SLC2A9: variants seen among roughly 807,000 people sequenced by gnomAD.
The protein encoded by SLC2A9 is solute carrier family 2 member 9.
Under a neutral mutation model 50.6 loss-of-function variants are expected in SLC2A9, and 39 were observed. The ratio of observed to expected loss-of-function variants is 0.77; its 90% confidence interval spans 0.60 to 1.01. The LOEUF is 1.01. Ranked by LOEUF, SLC2A9 falls within the 50% of genes least tolerant of loss-of-function variation. SLC2A9 has a pLI of 0.00. For synonymous variants in SLC2A9, 324 were observed against 276.9 expected (o/e 1.17, Z -1.69); for missense variants, 686 against 677.6 (o/e 1.01, Z -0.14).
chr4:9,888,190 C>G (rs1736661814), intron 9 of SLC2A9, among the ~76,000 whole-genome samples: 1 of 151,170 alleles, frequency 6.6e-6, no homozygotes, highest in Non-Finnish European at 1.5e-5. Context: ...ATGGGTGCAG[C>G]CAACCACCAT....
In SLC2A9 at chr4:10,018,993, C is replaced by A. The variant is rs1376228477; in HGVS notation, c.231G>T (p.Val77=). ...SSFLYGYNLS[V]VNAPTPYIKA... is the part of the protein sequence containing the mutation. ...CACTCACCGGGGTGGGGGCATTCAC[C>A]ACCGACAGGTTGTAGCCGTAGAGGA... The change falls in exon 2 of 12, where the codon GTG becomes GTT. Residue 77 remains valine (V), a synonymous_variant. Transcript: ENST00000264784. 1 of 1,550,200 alleles carries A rather than the reference C, an allele frequency of 6.5e-7. No homozygotes were observed. Among genetic ancestry groups the A allele is most frequent in the East Asian group, 2.4e-5 (1 of 40,914 alleles).
intron 8 of SLC2A9, among the ~76,000 whole-genome samples, chr4:9,899,520 T>G (rs1739210484): frequency 6.6e-6 from 1 of 152,230 alleles, no homozygotes; most frequent in Non-Finnish European, 1.5e-5. Flanking sequence ...TAGTGAAATT[T>G]TAAAATTTAT....
intron 2 of SLC2A9, among the ~76,000 whole-genome samples, chr4:10,003,571 C>G (rs1760237039): frequency 6.6e-6 from 1 of 152,160 alleles, no homozygotes; most frequent in South Asian, 2.1e-4. Flanking sequence ...GCTGTTTGCC[C>G]CAATGCTTTT....
At chr4:9,786,294 G>C (rs1246887419) in intron 3 of SLC2A9, among the ~76,000 whole-genome samples, 1 of 152,198 alleles carries the variant, frequency 6.6e-6, no homozygotes, top group Admixed American at 6.5e-5. Flanking sequence ...TAACCAGCCT[G>C]TGGTCACAGA....
rs535258720 is a variant in SLC2A9, at chr4:10,009,670, T to C, written c.249+9305A>G. ...CACTGGAAAAGTGAGTAATTTCTTATCAAAGCCAAGCCATTCAGTATTATT... is the reference window on the plus strand; with the variant it reads ...CACTGGAAAAGTGAGTAATTTCTTACCAAAGCCAAGCCATTCAGTATTATT... On this transcript the variant is annotated intron_variant, in intron 2 of 11. Coordinates refer to ENST00000264784, the MANE Select transcript of SLC2A9 (RefSeq NM_020041.3). 13 of 152,326 alleles carry C rather than the reference T, an allele frequency of 8.5e-5. No individual in the cohort carries two copies. The South Asian group carries it at 2.5e-3, about 29-fold the overall frequency. 9.4% of individuals were successfully genotyped at this position (152,326 alleles called of 1,614,324 possible). A position where few individuals can be genotyped will look rare whatever the true frequency, so the allele number is the denominator to read the frequency against.
rs116317431 is a variant in SLC2A9 at position 10,038,675 on chromosome 4, A to G, written c.-41+1455T>C. Among the ~76,000 whole-genome samples the G allele has an allele frequency of 9.1e-3, 1,382 of 152,328 alleles. 21 individuals are homozygous for G. The highest frequency in any genetic ancestry group is 0.031 in the African/African-American group (1,290 of 41,568). ...AAGAACTAAATGCAATGGACATTTT[A>G]AAGTCGCTTGATGGATCTTGATGTT... On this transcript the variant is annotated intron_variant, in intron 1 of 12. Coordinates refer to the SLC2A9 transcript ENST00000309065.
intron 10 of SLC2A9, among the ~76,000 whole-genome samples, chr4:9,884,512 A>C (rs772731105): frequency 1.3e-5 from 2 of 151,994 alleles, no homozygotes; most frequent in Non-Finnish European, 2.9e-5. Context: ...GTTGGCAATT[A>C]AGAAGCCATT....
At chr4:10,029,926 A>G (rs1178657122) in intron 1 of SLC2A9, among the ~76,000 whole-genome samples, 1 of 152,102 alleles carries the variant, frequency 6.6e-6, no homozygotes, top group Admixed American at 6.6e-5. Flanking sequence ...GTGAGCCACC[A>G]TGGCTGGCAG....
At chr4:9,782,455 C>A (rs1320955334) in intron 3 of SLC2A9, 1 of 1,614,004 alleles carries the variant, frequency 6.2e-7, no homozygotes, top group South Asian at 1.1e-5. Flanking sequence ...ACTGGGCCAT[C>A]TCCAGGCCCT....
intron 2 of SLC2A9, among the ~76,000 whole-genome samples, chr4:10,013,740 C>A (rs1762158309): frequency 6.6e-6 from 1 of 152,168 alleles, no homozygotes; most frequent in Non-Finnish European, 1.5e-5. Context: ...GCAGCTACTG[C>A]ATGGATTGTT....
At chr4:10,023,801 C>T (rs186970316), upstream of SLC2A9, among the ~76,000 whole-genome samples, 2 of 152,104 alleles carry the variant, frequency 1.3e-5, no homozygotes, top group Admixed American at 6.5e-5. Context: ...ACCTACATTT[C>T]GGGGCAACTG....
At chr4:9,978,634 G>C (rs1454118980) in intron 5 of SLC2A9, among the ~76,000 whole-genome samples, 1 of 152,204 alleles carries the variant, frequency 6.6e-6, no homozygotes, top group Admixed American at 6.5e-5. Flanking sequence ...CTTAGGTTGA[G>C]AGACTGTTTC....
At chr4:9,938,429 GC>G (rs1560343325) in intron 6 of SLC2A9, among the ~76,000 whole-genome samples, 1 of 151,816 alleles carries the variant, frequency 6.6e-6, no homozygotes, top group Non-Finnish European at 1.5e-5. Context: ...CTGCCAACAC[GC>G]CCGGCTAATT....
intron 1 of SLC2A9, among the ~76,000 whole-genome samples, chr4:9,772,696 G>A (rs937937214): frequency 2.0e-5 from 3 of 152,036 alleles, no homozygotes; most frequent in African/African-American, 7.3e-5. Context: ...GGGGCTGTGT[G>A]TTATGTAGCA....
At chr4:9,925,761 GAGA>G (rs1744780237) in intron 6 of SLC2A9, among the ~76,000 whole-genome samples, 1 of 152,192 alleles carries the variant, frequency 6.6e-6, no homozygotes, top group Admixed American at 6.5e-5. Context: ...GACAGGGAAG[GAGA>G]AGGAGCATGT....
intron 10 of SLC2A9, among the ~76,000 whole-genome samples, chr4:9,884,445 GTTT>G (rs11420026): frequency 6.7e-6 from 1 of 148,904 alleles, no homozygotes; most frequent in African/African-American, 2.5e-5. Flanking sequence ...GGCTAGAAAT[GTTT>G]TTTTTTTTAA....
At chr4:9,806,849 T>C (rs1168005893) in intron 3 of SLC2A9, among the ~76,000 whole-genome samples, 3 of 152,208 alleles carry the variant, frequency 2.0e-5, no homozygotes, top group East Asian at 1.9e-4. Flanking sequence ...AAGGGGGATA[T>C]GCTTGAACTC....
At chr4:9,931,962 C>CTCTATATATATATA (rs1560329576) in intron 6 of SLC2A9, among the ~76,000 whole-genome samples, 1 of 14,578 alleles carries the variant, frequency 6.9e-5, no homozygotes, top group Non-Finnish European at 1.1e-4. Flanking sequence ...CTCTCTCTCT[C>CTCTATATATATATA]TATATATATA....
In SLC2A9 at chr4:9,810,170, A is replaced by G. The variant is rs141108996; in HGVS notation, n.421-10929T>C. ...ATGTCAGCCTCATAGAAGGCTGGGC[A>G]TTTTCTGTCTTCTTTACCACCATAT... is the stretch of plus-strand genomic sequence containing the variant. On this transcript the variant is annotated intron_variant and non_coding_transcript_variant, in intron 3 of 3. Transcript: ENST00000503280. 2.6e-5 allele frequency among the ~76,000 whole-genome samples: 4 copies of G among 151,914 alleles called. No homozygotes were observed. In the East Asian group the frequency reaches 7.8e-4, roughly 29 times the overall value.
Sources: allele counts gnomAD v4.1 joint callset (sites outside exome capture counted in the v4.1 genomes callset), GRCh38; gene constraint gnomAD v4.1.1; transcripts MANE v1.5; gene names NCBI Gene and HGNC (gene_info 2026-07-23, HGNC 2026-07-21).